PTN: variants seen among roughly 807,000 people sequenced by gnomAD.
The protein encoded by PTN is pleiotrophin, also known as heparin affin regulatory protein.
Under a neutral mutation model 24.1 loss-of-function variants are expected in PTN, and 18 were observed. The ratio of observed to expected loss-of-function variants is 0.75; its 90% CI spans 0.52 to 1.11. PTN has a LOEUF of 1.11. Ranked by LOEUF, PTN falls within the 50% of genes least tolerant of loss-of-function variation. The probability of loss-of-function intolerance (pLI) is 0.00; values close to 1 mark genes in which losing one functional copy is unlikely to be tolerated. For synonymous variants in PTN, 78 were observed against 68.6 expected (o/e 1.14, Z -0.67); for missense variants, 163 against 198.8 (o/e 0.82, Z 1.08).
At position 137,343,626 on chromosome 7, in the gene PTN, C is replaced by T. The variant is rs1408988688; in HGVS notation, c.-189G>A. Reference sequence around the variant, plus strand: ...TCTCTCCACTTTGGATTTTCCTCTGCTCTGGGGCTCTCTTGGCGGGATTTT... The same window carrying T: ...TCTCTCCACTTTGGATTTTCCTCTGTTCTGGGGCTCTCTTGGCGGGATTTT... On this transcript the variant is annotated 5_prime_UTR_variant, in exon 1 of 5. Transcript: ENST00000348225. The T allele has an allele frequency of 1.9e-6, 1 of 518,898 alleles. No homozygotes were observed. The highest frequency in any genetic ancestry group is 1.4e-5 in the South Asian group (1 of 71,576). 32.1% of individuals were successfully genotyped at this position (518,898 alleles called of 1,614,324 possible). A position where few individuals can be genotyped will look rare whatever the true frequency, so the allele number is the denominator to read the frequency against.
At position 137,343,423 on chromosome 7, in the gene PTN, C is replaced by T. The variant is rs1261836461; in HGVS notation, c.-2+16G>A. The stretch of plus-strand genomic sequence containing the variant: ...TCGAAGAGCCCTCCGAGAAATCGTA[C>T]GTTCCTCTCACTTACTTTGAGTTGG... On this transcript the variant is annotated intron_variant, in intron 1 of 4. Coordinates refer to ENST00000348225, the MANE Select transcript of PTN (RefSeq NM_002825.7). 5.9e-6 allele frequency: 3 copies of T among 507,354 alleles called. No homozygotes were observed. The highest frequency in any genetic ancestry group is 2.0e-5 in the Admixed American group (1 of 50,664). 31.4% of individuals were successfully genotyped at this position (507,354 alleles called of 1,614,324 possible).
chr7:137,253,135 G>T (rs897977047), intron 3 of PTN, among the ~76,000 whole-genome samples: 1 of 152,188 alleles, frequency 6.6e-6, no homozygotes, highest in Admixed American at 6.5e-5. Flanking sequence ...AAAGGCAGTG[G>T]TTCCCAACCA....
intron 1 of PTN, among the ~76,000 whole-genome samples, chr7:137,337,728 A>G (rs1487672294): frequency 6.6e-6 from 1 of 152,202 alleles, no homozygotes; most frequent in African/African-American, 2.4e-5. Context: ...AAGGGAGTGA[A>G]GGAAAGAGAG....
At chr7:137,252,313 A>G (rs1808842052) in intron 3 of PTN, among the ~76,000 whole-genome samples, 1 of 151,842 alleles carries the variant, frequency 6.6e-6, no homozygotes, top group Non-Finnish European at 1.5e-5. Flanking sequence ...TCAGGAGTTC[A>G]TTTGTTGCCT....
intron 1 of PTN, among the ~76,000 whole-genome samples, chr7:137,315,315 G>T (rs963642430): frequency 6.6e-6 from 1 of 151,916 alleles, no homozygotes; most frequent in Non-Finnish European, 1.5e-5. Context: ...CTGTGGTGTG[G>T]GATGGATTCT....
At chr7:137,256,170 A>G (rs375064941) in intron 1 of PTN, among the ~76,000 whole-genome samples, 3 of 152,052 alleles carry the variant, frequency 2.0e-5, no homozygotes, top group Non-Finnish European at 2.9e-5. Context: ...GCTGTCTCTT[A>G]TTAGTGTTTT....
At chr7:137,314,704 CCTGCCT>C in intron 1 of PTN, among the ~76,000 whole-genome samples, 1 of 148,306 alleles carries the variant, frequency 6.7e-6, no homozygotes, top group Admixed American at 6.8e-5. Flanking sequence ...AAACAATTTT[CCTGCCT>C]CAGCTTCCCA....
chr7:137,337,623 G>A (rs1043034447), intron 1 of PTN, among the ~76,000 whole-genome samples: 7 of 152,178 alleles, frequency 4.6e-5, no homozygotes, highest in Non-Finnish European at 7.4e-5. Context: ...AGGTAGTCTT[G>A]AATCGGCAAC....
intron 1 of PTN, among the ~76,000 whole-genome samples, chr7:137,321,205 T>C (rs1810158006): frequency 6.6e-6 from 1 of 152,102 alleles, no homozygotes; most frequent in South Asian, 2.1e-4. Flanking sequence ...CACCACATTC[T>C]CTCTCCTCTG....
chr7:137,301,085 T>C (rs1809797887), intron 1 of PTN, among the ~76,000 whole-genome samples: 1 of 151,974 alleles, frequency 6.6e-6, no homozygotes, highest in African/African-American at 2.4e-5. Context: ...AAGAGTATAG[T>C]ACAGTATTTA....
At chr7:137,292,921 G>A (rs563215743) in intron 1 of PTN, among the ~76,000 whole-genome samples, 38 of 152,254 alleles carry the variant, frequency 2.5e-4, no homozygotes, top group Non-Finnish European at 4.9e-4. Context: ...TAATCAAAAT[G>A]TGAAATAACA....
chr7:137,343,685 T>G lies in PTN; in HGVS notation c.-248A>C, dbSNP rs748908003. 104 of 506,354 alleles carry G rather than the reference T, an allele frequency of 2.1e-4. No homozygotes were observed. The highest frequency in any genetic ancestry group is 3.4e-4 in the South Asian group (24 of 69,848). The allele number at this position is 506,354 out of a possible 1,614,324, so 31.4% of individuals were successfully genotyped here. On this transcript the variant is annotated 5_prime_UTR_variant, in exon 1 of 5. Transcript: ENST00000348225. ...AAGGCGGGGAACCTGATCCTGCCTT[T>G]GACTCAATTACGCCCTGACAGGGAG...
At chr7:137,236,197 C>G (rs940767772) in intron 4 of PTN, 25 of 702,348 alleles carry the variant, frequency 3.6e-5, no homozygotes, top group Admixed American at 2.2e-4. Flanking sequence ...TCCTCTCTAC[C>G]ATCTTCTCAA....
intron 1 of PTN, among the ~76,000 whole-genome samples, chr7:137,292,765 C>T (rs1472388773): frequency 1.3e-5 from 2 of 152,162 alleles, no homozygotes; most frequent in African/African-American, 4.8e-5. Context: ...CTGTTTTTCT[C>T]TCCTGAATAT....
chr7:137,324,451 T>TATATAA (rs1460014447), intron 1 of PTN, among the ~76,000 whole-genome samples: 21 of 133,330 alleles, frequency 1.6e-4, no homozygotes, highest in East Asian at 8.2e-4. Context: ...TATATATATA[T>TATATAA]AAATTAACCT....
chr7:137,284,256 G>A lies in PTN; in HGVS notation c.-1-29282C>T, dbSNP rs114460038. On this transcript the variant is annotated intron_variant, in intron 1 of 4. Coordinates refer to ENST00000348225, the MANE Select transcript of PTN (RefSeq NM_002825.7). Reference sequence around the variant, plus strand: ...CAAGCGTGAGCCACCGCGCCGGGCCGAGCATCATATTTTATAATGGTATGT... The same window carrying A: ...CAAGCGTGAGCCACCGCGCCGGGCCAAGCATCATATTTTATAATGGTATGT... Among the ~76,000 whole-genome samples the A allele has an allele frequency of 4.2e-3, 642 of 151,836 alleles. 2 individuals are homozygous for A. Among genetic ancestry groups the A allele is most frequent in the Non-Finnish European group, 6.7e-3 (455 of 67,926 alleles).
intron 1 of PTN, among the ~76,000 whole-genome samples, chr7:137,294,764 G>A (rs1471330556): frequency 6.6e-6 from 1 of 152,176 alleles, no homozygotes; most frequent in Admixed American, 6.6e-5. Flanking sequence ...AAATAAAGAT[G>A]TACGCCATTT....
chr7:137,285,687 A>T (rs1476992514), intron 1 of PTN, among the ~76,000 whole-genome samples: 1 of 152,202 alleles, frequency 6.6e-6, no homozygotes, highest in Admixed American at 6.5e-5. Flanking sequence ...AAAAAAATAA[A>T]GTAGTTGCTA....
At chr7:137,253,684 AC>A in intron 2 of PTN, 47 bp from the exon 3 acceptor site, 1 of 1,406,282 alleles carries the variant, frequency 7.1e-7, no homozygotes. Context: ...AAACTCCTTA[AC>A]TTCCAGATAT....
Sources: gnomAD v4.1 joint callset for allele counts (sites outside exome capture counted in the v4.1 genomes callset) on GRCh38, gnomAD v4.1.1 for gene constraint, MANE v1.5 for transcripts, NCBI Gene and HGNC (gene_info 2026-07-23, HGNC 2026-07-21) for gene names.